SORCS3: variants seen among roughly 807,000 people sequenced by gnomAD.
SORCS3 encodes sortilin related VPS10 domain containing receptor 3.
A neutral mutation model predicts 146.3 loss-of-function variants in SORCS3; 57 were observed. The observed-to-expected ratio is 0.39, with a 90% CI of 0.31 to 0.49. The LOEUF is 0.49. Ranked by LOEUF, SORCS3 falls within the 20% of genes least tolerant of loss-of-function variation. The pLI is 0.92. For missense variants in SORCS3, 1,341 were observed against 1,575.5 expected (o/e 0.85, Z 2.52); for synonymous variants, 653 against 618.5 (o/e 1.06, Z -0.83).
chr10:105,004,371 G>C (rs1273478238), intron 4 of SORCS3, among the ~76,000 whole-genome samples: 1 of 152,184 alleles, frequency 6.6e-6, no homozygotes, highest in Non-Finnish European at 1.5e-5. Flanking sequence ...AGGCACCCAG[G>C]AACTAGCAGC....
chr10:104,883,980 G>GGC (rs1554856924), intron 2 of SORCS3, among the ~76,000 whole-genome samples: 12 of 149,726 alleles, frequency 8.0e-5, no homozygotes, highest in African/African-American at 2.5e-4. Flanking sequence ...TGGAATGAGG[G>GGC]GGGGGAAAGG....
intron 4 of SORCS3, among the ~76,000 whole-genome samples, chr10:105,023,449 G>C (rs896580949): frequency 5.3e-5 from 8 of 152,100 alleles, no homozygotes; most frequent in Non-Finnish European, 8.8e-5. Context: ...GAGAACTGTG[G>C]GGGGAGCCTC....
At chr10:105,252,590 T>C (rs1355359069) in intron 22 of SORCS3, among the ~76,000 whole-genome samples, 185 bp from the exon 23 acceptor site, 1 of 152,220 alleles carries the variant, frequency 6.6e-6, no homozygotes, top group East Asian at 1.9e-4. Flanking sequence ...AAACTAATAA[T>C]GTTTTACCTA....
At chr10:104,876,969 G>C (rs1335803981) in intron 2 of SORCS3, among the ~76,000 whole-genome samples, 1 of 152,014 alleles carries the variant, frequency 6.6e-6, no homozygotes, top group East Asian at 1.9e-4. Context: ...CTCCTAAGTA[G>C]CTGGGACCAC....
intron 4 of SORCS3, among the ~76,000 whole-genome samples, chr10:105,036,704 T>C (rs1481855694): frequency 1.3e-5 from 2 of 152,348 alleles, no homozygotes; most frequent in East Asian, 1.9e-4. Context: ...GTTTCTTTCC[T>C]GTCTATTACA....
At chr10:104,965,701 G>T (rs969618771) in intron 3 of SORCS3, among the ~76,000 whole-genome samples, 1 of 151,948 alleles carries the variant, frequency 6.6e-6, no homozygotes, top group Non-Finnish European at 1.5e-5. Context: ...CTTTTTATTT[G>T]CTCACTGGTC....
At position 105,139,487 on chromosome 10, in the gene SORCS3, G is replaced by A. The variant is rs1194332283; in HGVS notation, c.1302+1G>A. On this transcript the variant is annotated splice_donor_variant, in intron 8 of 26. Coordinates refer to ENST00000369701, the MANE Select transcript of SORCS3 (RefSeq NM_014978.3). LOFTEE classifies it high-confidence loss of function. ...GCTGCCTAAGTACTCGTTGCCAAAG[G>A]TACTGCATGCACCACTAGCGGTCCT... 1 of 1,612,218 alleles carries A rather than the reference G, an allele frequency of 6.2e-7. No homozygotes were observed. Among genetic ancestry groups the A allele is most frequent in the South Asian group, 1.1e-5 (1 of 90,956 alleles).
At chr10:104,958,374 G>A (rs73349906) in intron 3 of SORCS3, among the ~76,000 whole-genome samples, 9,017 of 152,234 alleles carry the variant, frequency 0.059, 261 homozygotes, top group African/African-American at 0.074. Context: ...CCACCTCCCT[G>A]CAATGCCCCG....
At chr10:104,797,727 A>G (rs1284893065) in intron 1 of SORCS3, among the ~76,000 whole-genome samples, 1 of 152,112 alleles carries the variant, frequency 6.6e-6, no homozygotes, top group Non-Finnish European at 1.5e-5. Context: ...TATATATCCA[A>G]AGTCCATGCT....
At chr10:105,063,563 A>G (rs2055501921) in intron 5 of SORCS3, among the ~76,000 whole-genome samples, 1 of 152,248 alleles carries the variant, frequency 6.6e-6, no homozygotes, top group South Asian at 2.1e-4. Context: ...TTGTGAGATA[A>G]GGTGTGATGC....
At chr10:105,138,982 C>A (rs1408264276) in intron 7 of SORCS3, among the ~76,000 whole-genome samples, 1 of 152,122 alleles carries the variant, frequency 6.6e-6, no homozygotes, top group African/African-American at 2.4e-5. Flanking sequence ...TTATTCAGAT[C>A]CAGGAAAAAT....
intron 2 of SORCS3, among the ~76,000 whole-genome samples, chr10:104,866,526 T>C (rs1489793309): frequency 6.6e-6 from 1 of 152,224 alleles, no homozygotes; most frequent in Non-Finnish European, 1.5e-5. Flanking sequence ...AAAAATCTGA[T>C]TTTGAAAACT....
chr10:104,781,818 C>T (rs976450329), intron 1 of SORCS3, among the ~76,000 whole-genome samples: 3 of 152,218 alleles, frequency 2.0e-5, no homozygotes, highest in African/African-American at 7.2e-5. Context: ...GTTGTCCTGG[C>T]CTTTTGGTAT....
At chr10:104,847,857 C>T (rs2018224772) in intron 2 of SORCS3, among the ~76,000 whole-genome samples, 1 of 152,112 alleles carries the variant, frequency 6.6e-6, no homozygotes, top group South Asian at 2.1e-4. Flanking sequence ...GCCATTCTTC[C>T]TGTATGCCTG....
chr10:105,206,141 A>C (rs1409431585), intron 16 of SORCS3, among the ~76,000 whole-genome samples: 1 of 152,212 alleles, frequency 6.6e-6, no homozygotes, highest in East Asian at 1.9e-4. Context: ...GCAGTGGACA[A>C]GTCAGAGGAT....
At chr10:105,049,323 T>G (rs1284220458) in intron 5 of SORCS3, among the ~76,000 whole-genome samples, 5 of 152,112 alleles carry the variant, frequency 3.3e-5, no homozygotes, top group Non-Finnish European at 4.4e-5. Context: ...TTCCCTTTCA[T>G]GGACTCTAAA....
chr10:104,824,428 C>G (rs1034019549), intron 1 of SORCS3, among the ~76,000 whole-genome samples: 1 of 152,208 alleles, frequency 6.6e-6, no homozygotes, highest in African/African-American at 2.4e-5. Flanking sequence ...AACTTTGTGT[C>G]TCTCATCCCT....
At chr10:105,044,426 GA>G (rs2055356198) in intron 5 of SORCS3, among the ~76,000 whole-genome samples, 1 of 152,050 alleles carries the variant, frequency 6.6e-6, no homozygotes, top group African/African-American at 2.4e-5. Context: ...ATTTTTGTTA[GA>G]AGTTGTACTC....
intron 1 of SORCS3, among the ~76,000 whole-genome samples, chr10:104,771,356 T>G (rs534744521): frequency 1.3e-5 from 2 of 152,340 alleles, no homozygotes; most frequent in East Asian, 3.9e-4. Flanking sequence ...GCAGTGCTGA[T>G]GTGAGAAAGA....
Sources: allele counts gnomAD v4.1 joint callset (sites outside exome capture counted in the v4.1 genomes callset), GRCh38; gene constraint gnomAD v4.1.1; transcripts MANE v1.5; gene names NCBI Gene and HGNC (gene_info 2026-07-23, HGNC 2026-07-21).